Variants in APOB observed in about 807,000 individuals in gnomAD.
The protein encoded by APOB is apolipoprotein B-100.
In APOB, 153 loss-of-function variants were observed where a neutral mutation model predicts 314.1. That is an observed-to-expected ratio of 0.49 (90% CI 0.43 to 0.56). The LOEUF (loss-of-function observed/expected upper bound fraction) is 0.56, where lower values mean the gene tolerates loss of function less well. Among genes scored for constraint, APOB ranks in the 20% least tolerant of loss-of-function variants. The pLI is 0.00. For synonymous variants in APOB, 2,087 were observed against 2,036.4 expected (o/e 1.02, Z -0.67); for missense variants, 5,430 against 5,350.7 (o/e 1.01, Z -0.46).
intron 15 of APOB, among the ~76,000 whole-genome samples, chr2:21,025,380 G>A (rs979816010): frequency 6.6e-6 from 1 of 152,074 alleles, no homozygotes; most frequent in Admixed American, 6.6e-5. Context: ...GGTGGGATGA[G>A]AGGAGGGGTC....
Position 21,015,196 on chromosome 2 carries a change from G to A in APOB, c.3573C>T (p.Ser1191=). The change falls in exon 23 of 29, where the codon TCC becomes TCT. Residue 1191 remains serine (S), a synonymous_variant. Transcript: ENST00000233242. ...AATCGGAGAGATCCACAGGGAAATT[G>A]GAAGTCATTTTTTTGGTATCTACAT... ...GTNVDTKKMT[S]NFPVDLSDYP... is the part of the protein sequence containing the mutation. 6.2e-7 allele frequency: 1 copy of A among 1,614,158 alleles called. No homozygotes were observed. Among genetic ancestry groups the A allele is most frequent in the Non-Finnish European group, 8.5e-7 (1 of 1,179,998 alleles).
At chr2:21,041,526 GC>G (rs1230857185) in intron 3 of APOB, among the ~76,000 whole-genome samples, 1 of 152,158 alleles carries the variant, frequency 6.6e-6, no homozygotes, top group East Asian at 1.9e-4. Flanking sequence ...ATCTATTAGG[GC>G]CTATTTAGAG....
Position 21,013,239 on chromosome 2 carries a change from G to T in APOB, c.4137C>A (p.Ser1379Arg). The T allele has an allele frequency of 6.2e-7, 1 of 1,614,198 alleles. No individual in the cohort carries two copies. The highest frequency in any genetic ancestry group is 1.1e-5 in the South Asian group (1 of 91,078). ...WSASYSGGNT[S>R]TDHFSLRARY... ...GAGCCCGAAGGCTGAAATGGTCTGT[G>T]CTGGTGTTGCCACCACTGTAGGAGG... Residue 1379 changes from serine (S) to arginine (R), a missense_variant, in exon 25 of 29, where the codon AGC becomes AGA. Around this residue, in one of 3 missense-constraint regions of APOB, gnomAD observed 2,085 missense variants for 2,079.7 expected, o/e 1.00. Transcript: ENST00000233242.
chr2:21,030,166 A>AT, intron 10 of APOB, 151 bp from the exon 11 acceptor site: 1 of 648,816 alleles, frequency 1.5e-6, no homozygotes, highest in South Asian at 1.8e-5. Flanking sequence ...CAAAAAGAAC[A>AT]TAGCTGGAGG....
rs749720271 is a variant in APOB, at chr2:21,008,194, T to C, written c.8674A>G (p.Lys2892Glu). 3 of 1,614,010 alleles carry C rather than the reference T, an allele frequency of 1.9e-6. No homozygotes were observed. The South Asian group carries it at 3.3e-5, about 18-fold the overall frequency. The change falls in exon 26 of 29, where the codon AAA becomes GAA. Residue 2892 changes from lysine to glutamate, a missense_variant. Physicochemically the swap from Lys to Glu is moderately conservative, Grantham distance 56. Coordinates refer to ENST00000233242, the MANE Select transcript of APOB (RefSeq NM_000384.3). ...TLDSNTKYFH[K>E]LNIPKLDFSS... ...AAGTCCAGTTTGGGGATGTTCAATTTGTGGAAGTATTTAGTGTTGCTATCC... is the reference window on the plus strand; with the variant it reads ...AAGTCCAGTTTGGGGATGTTCAATTCGTGGAAGTATTTAGTGTTGCTATCC...
chr2:21,023,463 C>A, intron 17 of APOB, 62 bp downstream of exon 17: 1 of 1,576,252 alleles, frequency 6.3e-7, no homozygotes. Flanking sequence ...TATGTTTTAA[C>A]AAGAAATGCA....
At chr2:21,042,015 G>A (rs1040804336) in intron 3 of APOB, among the ~76,000 whole-genome samples, 1 of 152,136 alleles carries the variant, frequency 6.6e-6, no homozygotes, top group Non-Finnish European at 1.5e-5. Flanking sequence ...GTGCGATTCC[G>A]AGTTGCCTGC....
chr2:21,035,544 C>T (rs1238417621), intron 7 of APOB, 40 bp downstream of exon 7: 3 of 1,612,480 alleles, frequency 1.9e-6, no homozygotes, highest in South Asian at 2.2e-5. Flanking sequence ...TTCACACTGA[C>T]CCATTAAATG....
intron 4 of APOB, among the ~76,000 whole-genome samples, chr2:21,038,934 A>G (rs1461794386): frequency 6.6e-6 from 1 of 152,230 alleles, no homozygotes; most frequent in Non-Finnish European, 1.5e-5. Context: ...GATTTTTTTA[A>G]AAGCTGCATG....
rs751025071 is a variant in APOB at position 21,035,689 on chromosome 2, A to G, written c.713T>C (p.Leu238Pro). ...IKGMTRPLST[L>P]ISSSQSCQYT... ...CTGACAGGACTGGCTGCTGCTGATCAGAGTTGACAAGGGGCGGGTCTATGA... is the reference window on the plus strand; with the variant it reads ...CTGACAGGACTGGCTGCTGCTGATCGGAGTTGACAAGGGGCGGGTCTATGA... The change falls in exon 7 of 29, where the codon CTG becomes CCG. Residue 238 changes from leucine to proline, a missense_variant. Leu to Pro is a moderately conservative substitution (Grantham distance 98). Coordinates refer to ENST00000233242, the MANE Select transcript of APOB (RefSeq NM_000384.3). 1 of 1,614,116 alleles carries G rather than the reference A, an allele frequency of 6.2e-7. No individual in the cohort carries two copies. Among genetic ancestry groups the G allele is most frequent in the Non-Finnish European group, 8.5e-7 (1 of 1,180,038 alleles).
At chr2:21,043,119 G>C (rs1407145246) in intron 2 of APOB, among the ~76,000 whole-genome samples, 1 of 150,696 alleles carries the variant, frequency 6.6e-6, no homozygotes, top group African/African-American at 2.4e-5. Context: ...TTAACCCCCA[G>C]GGGTCAGGTA....
chr2:21,042,877 G>T (rs1664165960), intron 2 of APOB, among the ~76,000 whole-genome samples: 1 of 151,620 alleles, frequency 6.6e-6, no homozygotes, highest in Non-Finnish European at 1.5e-5. Context: ...AAATACTTAA[G>T]GCAAAGTTCA....
In APOB at chr2:21,002,782, C is replaced by T. The variant is rs748744377; in HGVS notation, c.12640G>A (p.Glu4214Lys). ...CTTATGAACATAGTGCAAAGTTCCT[C>T]CCTAGTGTATATCCCAGGTTTCCCC... Reference protein sequence around the residue: ...FPGKPGIYTREELCTMFIREV... With the variant: ...FPGKPGIYTRKELCTMFIREV... Residue 4214 changes from glutamate (E) to lysine (K), a missense_variant, in exon 29 of 29, where the codon GAG becomes AAG. Physicochemically the swap from Glu to Lys is moderately conservative, Grantham distance 56. Around this residue, in one of 3 missense-constraint regions of APOB, gnomAD observed 3,281 missense variants for 3,171.0 expected, o/e 1.03. Transcript: ENST00000233242. The T allele has an allele frequency of 1.9e-6, 3 of 1,608,956 alleles. No individual in the cohort carries two copies. Among genetic ancestry groups the T allele is most frequent in the Admixed American group, 3.3e-5 (2 of 59,782 alleles).
intron 12 of APOB, 121 bp downstream of exon 12, chr2:21,029,515 GGAA>G: frequency 1.9e-6 from 2 of 1,075,070 alleles, no homozygotes; most frequent in Admixed American, 3.6e-5. Context: ...AAGGAAGGAA[GGAA>G]GGAAAGGAAA....
chr2:21,033,735 T>G (rs955464296), intron 8 of APOB, among the ~76,000 whole-genome samples: 1 of 152,194 alleles, frequency 6.6e-6, no homozygotes, highest in Non-Finnish European at 1.5e-5. Flanking sequence ...ATTGTTCAAT[T>G]TAATGATAAA....
In APOB at chr2:21,011,716, T is replaced by C; in HGVS notation, c.5152A>G (p.Ile1718Val). 6.2e-7 allele frequency: 1 copy of C among 1,614,204 alleles called. No individual in the cohort carries two copies. The highest frequency in any genetic ancestry group is 8.5e-7 in the Non-Finnish European group (1 of 1,180,034). Residue 1718 changes from isoleucine (I) to valine (V), a missense_variant, in exon 26 of 29, where the codon ATT becomes GTT. By Grantham distance (29) the Ile-to-Val change is conservative. Around this residue, in one of 3 missense-constraint regions of APOB, gnomAD observed 2,085 missense variants for 2,079.7 expected, o/e 1.00. Coordinates refer to ENST00000233242, the MANE Select transcript of APOB (RefSeq NM_000384.3). ...LSLGSAYQAM[I>V]LGVDSKNIFN... Reference sequence around the variant, plus strand: ...ATGTTTTTGCTGTCGACACCCAGAATCATGGCCTGATAAGCACTTCCCAGT... The same window carrying C: ...ATGTTTTTGCTGTCGACACCCAGAACCATGGCCTGATAAGCACTTCCCAGT...
Position 21,043,977 on chromosome 2 carries a change from C to A in APOB, c.-32G>T. On this transcript the variant is annotated 5_prime_UTR_variant, in exon 1 of 29. Transcript: ENST00000233242. ...CTGCGGTGGGGCGGCTCCTGGGCTG[C>A]GGCCTGGCCTCGGCCTCGCGGCCCT... is the stretch of plus-strand genomic sequence containing the variant. 1 of 1,156,642 alleles carries A rather than the reference C, an allele frequency of 8.6e-7. No individual in the cohort carries two copies. The highest frequency in any genetic ancestry group is 1.1e-6 in the Non-Finnish European group (1 of 917,616). 71.6% of individuals were successfully genotyped at this position (1,156,642 alleles called of 1,614,324 possible).
At position 21,022,916 on chromosome 2, in the gene APOB, G is replaced by A; in HGVS notation, c.2731C>T (p.Leu911=). ...MNTNFFHESG[L]EAHVALKAGK... ...GCTTTTAGGGCAACATGAGCCTCCA[G>A]ACCCGACTCGTGGAAGAAGTTGGTG... The change falls in exon 18 of 29, where the codon CTG becomes TTG. Residue 911 remains leucine, a synonymous_variant. Coordinates refer to ENST00000233242, the MANE Select transcript of APOB (RefSeq NM_000384.3). 6.2e-7 allele frequency: 1 copy of A among 1,614,160 alleles called. No homozygotes were observed. Among genetic ancestry groups the A allele is most frequent in the Non-Finnish European group, 8.5e-7 (1 of 1,180,026 alleles).
chr2:21,009,672 T>C lies in APOB; in HGVS notation c.7196A>G (p.Asp2399Gly), dbSNP rs370239884. ...YFEKLVGFIDDAVKKLNELSF... is the reference protein window; with the variant it reads ...YFEKLVGFIDGAVKKLNELSF... The stretch of plus-strand genomic sequence containing the variant: ...TAATTCATTAAGCTTCTTGACAGCA[T>C]CATCAATAAATCCAACCAATTTCTC... Residue 2399 changes from aspartate (D) to glycine (G), a missense_variant, in exon 26 of 29, where the codon GAT (aspartate) becomes GGT (glycine). Physicochemically the swap from Asp to Gly is moderately conservative, Grantham distance 94. Transcript: ENST00000233242. 3.7e-6 allele frequency: 6 copies of C among 1,613,236 alleles called. No individual in the cohort carries two copies. Among genetic ancestry groups the C allele is most frequent in the African/African-American group, 2.7e-5 (2 of 74,916 alleles).
Sources: gnomAD v4.1 joint callset for allele counts (sites outside exome capture counted in the v4.1 genomes callset) on GRCh38, gnomAD v4.1.1 for gene constraint, gnomAD v4.1.1 regional missense constraint, MANE v1.5 for transcripts, NCBI Gene and HGNC (gene_info 2026-07-23, HGNC 2026-07-21) for gene names.